The following LRPAP1 variants were observed in gnomAD, a reference collection of about 807,000 sequenced individuals.
LRPAP1 encodes the protein LDL receptor related protein associated protein 1.
Under a neutral mutation model 39.9 loss-of-function variants are expected in LRPAP1, and 41 were observed. The observed-to-expected ratio is 1.03, with a 90% confidence interval of 0.80 to 1.33. The LOEUF (loss-of-function observed/expected upper bound fraction) is 1.33. Among genes scored for constraint, LRPAP1 ranks in the 40% most tolerant of loss-of-function variants. The pLI, the probability that LRPAP1 is intolerant of heterozygous loss-of-function variation, is 0.00. For synonymous variants in LRPAP1, 263 were observed against 212.7 expected (o/e 1.24, Z -2.06); for missense variants, 565 against 482.3 (o/e 1.17, Z -1.61).
chr4:3,529,272 G>A (rs942627367), intron 1 of LRPAP1, among the ~76,000 whole-genome samples: 2 of 151,970 alleles, frequency 1.3e-5, no homozygotes, highest in Admixed American at 6.5e-5. Flanking sequence ...GCAGTGAGCC[G>A]AGATCACGCC....
chr4:3,507,903 T>C lies in LRPAP1; in HGVS notation c.*5071A>G, dbSNP rs1221255129. ...AGAATGGACATCACTGCACAGAGGA[T>C]ACTGTGAATGATTTATGTAAATTGT... On this transcript the variant is annotated 3_prime_UTR_variant, in exon 8 of 8. Transcript: ENST00000650182. 6.6e-6 allele frequency: 1 copy of C among 152,220 alleles called. No individual in the cohort carries two copies. Among genetic ancestry groups the C allele is most frequent in the African/African-American group, 2.4e-5 (1 of 41,458 alleles). 9.4% of individuals were successfully genotyped at this position (152,220 alleles called of 1,614,324 possible).
At chr4:3,518,737 CG>C in intron 4 of LRPAP1, 133 bp downstream of exon 4, 1 of 611,448 alleles carries the variant, frequency 1.6e-6, no homozygotes. Flanking sequence ...CGTCTGGTGC[CG>C]CCTCCCTGCC....
In LRPAP1 at chr4:3,504,909, C is replaced by T. The variant is rs1267453275; in HGVS notation, c.*8065G>A. On this transcript the variant is annotated 3_prime_UTR_variant, in exon 8 of 8. Transcript: ENST00000650182. ...TTGCAGTGAGCCGAGATCGCACCAA[C>T]GCACTCCAGCCTGGGCGACAGAGCA... Among the ~76,000 whole-genome samples the T allele has an allele frequency of 2.6e-5, 4 of 151,902 alleles. No individual in the cohort carries two copies. The highest frequency in any genetic ancestry group is 3.9e-4 in the East Asian group (2 of 5,142).
In LRPAP1 at chr4:3,523,792, T is replaced by C. The variant is rs547286633; in HGVS notation, c.349+1115A>G. Among the ~76,000 whole-genome samples the C allele has an allele frequency of 6.6e-5, 10 of 152,276 alleles. 1 individual carries two copies. Among genetic ancestry groups the C allele is most frequent in the African/African-American group, 1.9e-4 (8 of 41,544 alleles). Reference sequence around the variant, plus strand: ...GCAGGGCTACAGCAGACTCCAGACATGGCCAGGGCTCTGGGGCCACCCTCA... The same window carrying C: ...GCAGGGCTACAGCAGACTCCAGACACGGCCAGGGCTCTGGGGCCACCCTCA... On this transcript the variant is annotated intron_variant, in intron 2 of 7. Transcript: ENST00000650182.
At chr4:3,516,429 C>T (rs1407482372) in intron 5 of LRPAP1, among the ~76,000 whole-genome samples, 1 of 152,258 alleles carries the variant, frequency 6.6e-6, no homozygotes, top group Non-Finnish European at 1.5e-5. Context: ...CTTGGCCAAA[C>T]AACTGCTTCT....
chr4:3,517,680 A>G, intron 5 of LRPAP1: 1 of 184,514 alleles, frequency 5.4e-6, no homozygotes, highest in Non-Finnish European at 1.1e-5. Context: ...GTGGCATGAG[A>G]TGGAGACGGA....
rs1055658019 is a variant in LRPAP1 at position 3,512,710 on chromosome 4, G to A, written c.*264C>T. 9.8e-6 allele frequency: 5 copies of A among 508,860 alleles called. No homozygotes were observed. Among genetic ancestry groups the A allele is most frequent in the African/African-American group, 9.6e-5 (5 of 52,204 alleles). 31.5% of individuals were successfully genotyped at this position (508,860 alleles called of 1,614,324 possible). ...GCAGCTGGACATCGAGGTCCTCACT[G>A]GGGTGGTGACTGCCACGCTGATGCT... On this transcript the variant is annotated 3_prime_UTR_variant, in exon 8 of 8. Coordinates refer to ENST00000650182, the MANE Select transcript of LRPAP1 (RefSeq NM_002337.4).
Position 3,511,825 on chromosome 4 carries a change from G to C in LRPAP1, c.*1149C>G, listed in dbSNP as rs1024403141. The stretch of plus-strand genomic sequence containing the variant: ...CCGAGCCTCTTCCAGGCTCAGACAC[G>C]GGAAGGGAACCACGCCCAGAGCCGG... On this transcript the variant is annotated 3_prime_UTR_variant, in exon 8 of 8. Transcript: ENST00000650182. The C allele has an allele frequency of 3.4e-5, 5 of 145,532 alleles. No homozygotes were observed. Among genetic ancestry groups the C allele is most frequent in the Admixed American group, 6.8e-5 (1 of 14,714 alleles). 9.0% of individuals were successfully genotyped at this position (145,532 alleles called of 1,614,324 possible).
chr4:3,525,054 G>A lies in LRPAP1; in HGVS notation c.205-3C>T, dbSNP rs374560548. 18 of 1,613,768 alleles carry A rather than the reference G, an allele frequency of 1.1e-5. No individual in the cohort carries two copies. Among genetic ancestry groups the A allele is most frequent in the Non-Finnish European group, 1.5e-5 (18 of 1,180,036 alleles). On this transcript the variant is annotated splice_polypyrimidine_tract_variant and splice_region_variant and intron_variant, in intron 1 of 7. Coordinates refer to ENST00000650182, the MANE Select transcript of LRPAP1 (RefSeq NM_002337.4). ...AGCCTCACGGGAGGAAGATGCAGCT[G>A]CGAACGAAGGGGAGGAGCCTGTGAG...
At chr4:3,527,412 G>C (rs556163462) in intron 1 of LRPAP1, among the ~76,000 whole-genome samples, 1 of 152,262 alleles carries the variant, frequency 6.6e-6, no homozygotes, top group South Asian at 2.1e-4. Context: ...CTCAGGAGGG[G>C]CAGTCGGTGC....
In LRPAP1 at chr4:3,524,339, G is replaced by A. The variant is rs377592728; in HGVS notation, c.349+568C>T. Among the ~76,000 whole-genome samples the A allele has an allele frequency of 3.4e-4, 52 of 152,316 alleles. No individual in the cohort carries two copies. The South Asian group carries it at 0.01, about 30-fold the overall frequency. On this transcript the variant is annotated intron_variant, in intron 2 of 7. Transcript: ENST00000650182. ...CCACAGGGACGAGGACTCACTAAGC[G>A]CATGACAACCAAGTGTCCATTCTGA... is the stretch of plus-strand genomic sequence containing the variant.
chr4:3,516,031 A>G, intron 6 of LRPAP1, 85 bp downstream of exon 6: 1 of 1,263,240 alleles, frequency 7.9e-7, no homozygotes. Flanking sequence ...AGCTTGGAGG[A>G]GAGGGCTGCA....
At position 3,514,832 on chromosome 4, in the gene LRPAP1, C is replaced by T. The variant is rs1800493; in HGVS notation, c.931G>A (p.Val311Met). ...CGGCTCACACGCTCGCCGTCGCCCA[C>T]GCTCTCTGCGTGCCTCAGCTTCTCG... ...AHEKLRHAES[V>M]GDGERVSRSR... is the part of the protein sequence containing the mutation. Residue 311 changes from valine (V) to methionine (M), a missense_variant, in exon 7 of 8, where the codon GTG (valine) becomes ATG (methionine). Coordinates refer to ENST00000650182, the MANE Select transcript of LRPAP1 (RefSeq NM_002337.4). The T allele has an allele frequency of 0.014, 21,969 of 1,613,692 alleles. 214 individuals carry two copies. The highest frequency in any genetic ancestry group is 0.027 in the Middle Eastern group (165 of 6,060).
chr4:3,516,019 A>C (rs138493591), intron 6 of LRPAP1, 97 bp downstream of exon 6: 19,543 of 1,169,342 alleles, frequency 0.017, 602 homozygotes, highest in Admixed American at 0.13. Context: ...CTTGAGAGAG[A>C]GAGCTTGGAG....
intron 2 of LRPAP1, among the ~76,000 whole-genome samples, chr4:3,523,257 T>C (rs182306428): frequency 7.4e-4 from 113 of 152,268 alleles, no homozygotes; most frequent in Non-Finnish European, 1.5e-3. Flanking sequence ...CAGTCCCTTC[T>C]TCCTGGGGGC....
At chr4:3,518,370 C>CCAGGCGAGACAGGCGAGA (rs1805167) in intron 4 of LRPAP1, among the ~76,000 whole-genome samples, 178 bp from the exon 5 acceptor site, 14 of 151,528 alleles carry the variant, frequency 9.2e-5, no homozygotes, top group South Asian at 6.2e-4. Context: ...AGCTTCCTTT[C>CCAGGCGAGACAGGCGAGA]CAGGCGAGAC....
chr4:3,524,764 A>G, intron 2 of LRPAP1, 143 bp downstream of exon 2: 1 of 973,864 alleles, frequency 1.0e-6, no homozygotes, highest in East Asian at 2.5e-5. Flanking sequence ...ATGCTCGGGG[A>G]AAGGCTCATT....
intron 2 of LRPAP1, among the ~76,000 whole-genome samples, chr4:3,521,608 G>A (rs1455463139): frequency 1.3e-5 from 2 of 152,298 alleles, no homozygotes; most frequent in African/African-American, 2.4e-5. Flanking sequence ...CGGAAGCCTG[G>A]GCCATGGGGG....
intron 1 of LRPAP1, among the ~76,000 whole-genome samples, chr4:3,526,854 C>T (rs937558067): frequency 6.6e-6 from 1 of 152,236 alleles, no homozygotes; most frequent in Non-Finnish European, 1.5e-5. Flanking sequence ...GCCCTCTCTT[C>T]TCTCAGAAGC....
Sources: gnomAD v4.1 joint callset for allele counts (sites outside exome capture counted in the v4.1 genomes callset) on GRCh38, gnomAD v4.1.1 for gene constraint, MANE v1.5 for transcripts, NCBI Gene and HGNC (gene_info 2026-07-23, HGNC 2026-07-21) for gene names.